GXYLT1: variants seen among roughly 807,000 people sequenced by gnomAD.
The protein encoded by GXYLT1 is glucoside xylosyltransferase 1, also known as glycosyltransferase 8 domain containing 3.
Under a neutral mutation model 54.0 loss-of-function variants are expected in GXYLT1, and 29 were observed. The observed-to-expected ratio is 0.54, with a 90% CI of 0.40 to 0.73. GXYLT1 has a LOEUF of 0.73. GXYLT1 is among the 30% of genes least tolerant of loss of function. GXYLT1 has a pLI of 0.00. For missense variants in GXYLT1, 490 were observed against 553.4 expected (o/e 0.89, Z 1.15); for synonymous variants, 176 against 204.1 (o/e 0.86, Z 1.17).
chr12:42,111,415 C>T (rs1474442238), intron 3 of GXYLT1, among the ~76,000 whole-genome samples: 8 of 152,194 alleles, frequency 5.3e-5, no homozygotes, highest in African/African-American at 1.7e-4. Flanking sequence ...CTTGGAAAAT[C>T]GGGTCACTCC....
At chr12:42,112,112 A>G (rs924783777) in intron 3 of GXYLT1, among the ~76,000 whole-genome samples, 1 of 152,214 alleles carries the variant, frequency 6.6e-6, no homozygotes, top group Non-Finnish European at 1.5e-5. Context: ...ACTAACAAAC[A>G]GAAAGGACAT....
intron 1 of GXYLT1, among the ~76,000 whole-genome samples, chr12:42,141,124 G>A (rs185689497): frequency 6.6e-6 from 1 of 152,304 alleles, no homozygotes; most frequent in South Asian, 2.1e-4. Context: ...AAGTGACACA[G>A]AGTCAACAAA....
rs2065445574 is a variant in GXYLT1 at position 42,110,315 on chromosome 12, A to C, written c.487-624T>G. 2.0e-5 allele frequency among the ~76,000 whole-genome samples: 3 copies of C among 152,212 alleles called. No homozygotes were observed. In the South Asian group the frequency reaches 6.2e-4, roughly 32 times the overall value. Reference sequence around the variant, plus strand: ...ACTGAATTGTTTCTAATTCAGTTTAAGTATTATCTCTCATTCTTATTTCAA... The same window carrying C: ...ACTGAATTGTTTCTAATTCAGTTTACGTATTATCTCTCATTCTTATTTCAA... On this transcript the variant is annotated intron_variant, in intron 3 of 7. Coordinates refer to ENST00000398675, the MANE Select transcript of GXYLT1 (RefSeq NM_173601.2).
intron 3 of GXYLT1, among the ~76,000 whole-genome samples, chr12:42,110,944 A>T (rs1031454091): frequency 6.6e-6 from 1 of 152,264 alleles, no homozygotes; most frequent in Non-Finnish European, 1.5e-5. Flanking sequence ...ACGAAAACTA[A>T]GTTCAAAAAT....
intron 6 of GXYLT1, 120 bp from the exon 7 acceptor site, chr12:42,097,734 T>A (rs752200876): frequency 2.7e-6 from 3 of 1,093,202 alleles, no homozygotes; most frequent in Non-Finnish European, 3.9e-6. Flanking sequence ...GAAAAATGTC[T>A]GGCATTTAGA....
At chr12:42,119,223 T>G in intron 2 of GXYLT1, 52 bp from the exon 3 acceptor site, 1 of 1,394,352 alleles carries the variant, frequency 7.2e-7, no homozygotes. Flanking sequence ...ATGTTTACAA[T>G]GTGTACTTTC....
chr12:42,090,038 T>C (rs534513378), intron 7 of GXYLT1, among the ~76,000 whole-genome samples: 1 of 152,288 alleles, frequency 6.6e-6, no homozygotes, highest in Admixed American at 6.5e-5. Flanking sequence ...TATGTAGTAC[T>C]CGAGATTAAG....
intron 7 of GXYLT1, among the ~76,000 whole-genome samples, chr12:42,091,080 A>G (rs2065326239): frequency 6.6e-6 from 1 of 152,188 alleles, no homozygotes; most frequent in South Asian, 2.1e-4. Flanking sequence ...AACTTGCATA[A>G]ATATCCTTGT....
At position 42,105,864 on chromosome 12, in the gene GXYLT1, C is replaced by G; in HGVS notation, c.818G>C (p.Gly273Ala). Residue 273 changes from glycine to alanine, a missense_variant, in exon 5 of 8, where the codon GGA (glycine) becomes GCA (alanine). Transcript: ENST00000398675. Reference protein sequence around the residue: ...PYYGKTGVNSGVMLMNMTRMR... With the variant: ...PYYGKTGVNSAVMLMNMTRMR... ...TCGAGTCATGTTCATCAACATAACT[C>G]CAGAGTTTACTCCAGTTTTTCCATA... is the stretch of plus-strand genomic sequence containing the variant. The G allele has an allele frequency of 6.2e-7, 1 of 1,613,464 alleles. No homozygotes were observed. Among genetic ancestry groups the G allele is most frequent in the Non-Finnish European group, 8.5e-7 (1 of 1,179,504 alleles).
intron 2 of GXYLT1, among the ~76,000 whole-genome samples, chr12:42,125,237 A>G (rs1423840398): frequency 1.3e-5 from 2 of 152,184 alleles, no homozygotes; most frequent in Non-Finnish European, 2.9e-5. Context: ...ACATGTGGAG[A>G]AAGTCCGTTG....
intron 1 of GXYLT1, among the ~76,000 whole-genome samples, chr12:42,142,629 C>A (rs1196471356): frequency 6.6e-6 from 1 of 152,160 alleles, no homozygotes; most frequent in Non-Finnish European, 1.5e-5. Flanking sequence ...CAGGCGTGAG[C>A]TACCGAGCGT....
chr12:42,091,026 T>C, intron 7 of GXYLT1, among the ~76,000 whole-genome samples: 1 of 152,246 alleles, frequency 6.6e-6, no homozygotes, highest in Non-Finnish European at 1.5e-5. Context: ...TTATAATTCA[T>C]ACTGTTCACT....
In GXYLT1 at chr12:42,084,493, G is replaced by C; in HGVS notation, c.*3293C>G. The C allele has an allele frequency of 6.6e-6, 1 of 152,426 alleles. No individual in the cohort carries two copies. Among genetic ancestry groups the C allele is most frequent in the African/African-American group, 2.4e-5 (1 of 41,492 alleles). The allele number at this position is 152,426 out of a possible 1,614,324, so 9.4% of individuals were successfully genotyped here. ...AAACAGAACTTCAACAGTAACACTG[G>C]CGTGGCATAATATAAGCCACGCAAA... On this transcript the variant is annotated 3_prime_UTR_variant, in exon 8 of 8. Transcript: ENST00000398675.
chr12:42,100,554 GAA>G (rs534838064), intron 5 of GXYLT1, among the ~76,000 whole-genome samples: 3 of 144,014 alleles, frequency 2.1e-5, no homozygotes. Context: ...CAGAATTCAT[GAA>G]AAAAAAAAAA....
intron 2 of GXYLT1, among the ~76,000 whole-genome samples, chr12:42,121,186 C>G (rs2065528938): frequency 6.6e-6 from 1 of 152,188 alleles, no homozygotes; most frequent in African/African-American, 2.4e-5. Context: ...GAATCAATAA[C>G]AGGCTCGGAT....
At chr12:42,140,569 A>ACAGT (rs10651031) in intron 1 of GXYLT1, among the ~76,000 whole-genome samples, 79,030 of 151,600 alleles carry the variant, frequency 0.52, 20,960 homozygotes, top group South Asian at 0.7. Flanking sequence ...CAAGGTCAAC[A>ACAGT]CAGTAAGTGG....
chr12:42,138,262 G>A (rs1160370452), intron 1 of GXYLT1, among the ~76,000 whole-genome samples: 1 of 152,088 alleles, frequency 6.6e-6, no homozygotes, highest in Non-Finnish European at 1.5e-5. Flanking sequence ...GACTGCGTCT[G>A]GGTGACAGAG....
intron 5 of GXYLT1, among the ~76,000 whole-genome samples, chr12:42,098,775 A>ATATATATATATATATATATG (rs71876532): frequency 7.1e-6 from 1 of 141,198 alleles, no homozygotes; most frequent in Non-Finnish European, 1.5e-5. Flanking sequence ...ATATATATAT[A>ATATATATATATATATATATG]TATATATATA....
chr12:42,143,678 G>T (rs548931959), intron 1 of GXYLT1, among the ~76,000 whole-genome samples: 1 of 152,162 alleles, frequency 6.6e-6, no homozygotes. Context: ...TGCGTTGACA[G>T]AAACATTTTT....
Sources: gnomAD v4.1 joint callset for allele counts (sites outside exome capture counted in the v4.1 genomes callset) on GRCh38, gnomAD v4.1.1 for gene constraint, MANE v1.5 for transcripts, NCBI Gene and HGNC (gene_info 2026-07-23, HGNC 2026-07-21) for gene names.